Variants in CTBP2 observed in about 807,000 individuals in gnomAD.
CTBP2 encodes the protein C-terminal-binding protein 2.
Under a neutral mutation model 80.3 loss-of-function variants are expected in CTBP2, and 30 were observed. The ratio of observed to expected loss-of-function variants is 0.37; its 90% confidence interval spans 0.28 to 0.51. The LOEUF (loss-of-function observed/expected upper bound fraction) is 0.51. Ranked by LOEUF, CTBP2 falls within the 20% of genes least tolerant of loss-of-function variation. CTBP2 has a pLI of 0.93. For missense variants in CTBP2, 1,212 were observed against 1,375.3 expected, an observed-to-expected ratio of 0.88 and a Z score of 1.88; for synonymous variants, 594 against 587.4, an observed-to-expected ratio of 1.01 and a Z score of -0.16.
intron 2 of CTBP2, among the ~76,000 whole-genome samples, chr10:125,093,718 T>C (rs921871683): frequency 1.3e-5 from 2 of 152,176 alleles, no homozygotes; most frequent in African/African-American, 4.8e-5. Context: ...CCATTTCCAA[T>C]CTACTCCTCG....
intron 8 of CTBP2, among the ~76,000 whole-genome samples, chr10:124,990,042 G>GTTT (rs74920887): frequency 4.3e-5 from 6 of 138,872 alleles, no homozygotes; most frequent in Non-Finnish European, 4.7e-5. Flanking sequence ...CTGGCTAATA[G>GTTT]TTTTTTTTTT....
At chr10:125,139,592 G>A (rs1421901804) in intron 1 of CTBP2, among the ~76,000 whole-genome samples, 1 of 151,916 alleles carries the variant, frequency 6.6e-6, no homozygotes, top group African/African-American at 2.4e-5. Context: ...TTCCAGTCTA[G>A]GCCAGCTGGG....
chr10:125,001,408 C>T (rs1022403865), intron 3 of CTBP2: 1 of 152,218 alleles, frequency 6.6e-6, no homozygotes, highest in African/African-American at 2.4e-5. Context: ...GCACAAAGGA[C>T]ATTTGTTTTC....
intron 1 of CTBP2, among the ~76,000 whole-genome samples, chr10:125,014,072 G>A (rs543856587): frequency 2.7e-4 from 41 of 152,246 alleles, no homozygotes; most frequent in Non-Finnish European, 4.0e-4. Context: ...TAAAAGAGAC[G>A]TCATCATGGT....
rs772873796 is a variant in CTBP2, at chr10:124,986,188, A to G, written c.*3330T>C. 3.3e-5 allele frequency: 5 copies of G among 152,482 alleles called. No homozygotes were observed. Among genetic ancestry groups the G allele is most frequent in the Non-Finnish European group, 7.4e-5 (5 of 68,024 alleles). The allele number at this position is 152,482 out of a possible 1,614,324, so 9.4% of individuals were successfully genotyped here. On this transcript the variant is annotated 3_prime_UTR_variant, in exon 9 of 9. Coordinates refer to ENST00000309035, the MANE Select transcript of CTBP2 (RefSeq NM_022802.3). ...ATTCAATACTGGGTAAAAATTTCAG[A>G]CCTATCTCAGGAACACAGAAATATT...
At chr10:124,994,007 G>A (rs371563913) in intron 5 of CTBP2, 22 bp from the exon 8 acceptor site, 31 of 1,613,244 alleles carry the variant, frequency 1.9e-5, no homozygotes, top group Non-Finnish European at 2.2e-5. Context: ...AAGAAAAGCC[G>A]GTTACAGGCA....
intron 1 of CTBP2, among the ~76,000 whole-genome samples, chr10:125,017,230 G>A (rs187789582): frequency 1.5e-4 from 23 of 152,302 alleles, no homozygotes; most frequent in Middle Eastern, 3.4e-3. Context: ...GACGGGTAGC[G>A]GAGGAAGGTG....
Position 125,102,566 on chromosome 10 carries a change from G to C in CTBP2, c.-102+8424C>G, listed in dbSNP as rs187273254. On this transcript the variant is annotated intron_variant, in intron 2 of 10. Coordinates refer to the CTBP2 transcript ENST00000337195. ...AATCAATGTTGAGTCCTCCTTCCCA[G>C]AGGAAGCTGTCGCCCTGTGTCATGG... Among the ~76,000 whole-genome samples the C allele has an allele frequency of 1.5e-3, 233 of 152,366 alleles. 2 individuals carry two copies. Among genetic ancestry groups the C allele is most frequent in the Middle Eastern group, 0.014 (4 of 294 alleles).
At chr10:125,036,668 GGTGTGTGTGTGTGTGTGTGT>G (rs59284647) in intron 3 of CTBP2, among the ~76,000 whole-genome samples, 77 of 119,348 alleles carry the variant, frequency 6.5e-4, no homozygotes, top group African/African-American at 2.4e-3. Context: ...AGCTAGAGGG[GGTGTGTGTGTGTGTGTGTGT>G]GTGTGTGTGT....
Position 124,985,169 on chromosome 10 carries a change from G to A in CTBP2, c.*4349C>T. ...TGGAGATAATGCCTCTGCTGCGTGA[G>A]GAGACAGAGAACTTTAGTTGGACTA... On this transcript the variant is annotated 3_prime_UTR_variant, in exon 9 of 9. Coordinates refer to ENST00000309035, the MANE Select transcript of CTBP2 (RefSeq NM_022802.3). The A allele has an allele frequency of 1.9e-6, 1 of 527,870 alleles. No homozygotes were observed. Among genetic ancestry groups the A allele is most frequent in the South Asian group, 3.2e-5 (1 of 30,878 alleles). 32.7% of individuals were successfully genotyped at this position (527,870 alleles called of 1,614,324 possible). A position where few individuals can be genotyped will look rare whatever the true frequency, so the allele number is the denominator to read the frequency against.
intron 2 of CTBP2, among the ~76,000 whole-genome samples, chr10:125,046,263 G>A (rs560538083): frequency 6.6e-6 from 1 of 152,210 alleles, no homozygotes; most frequent in South Asian, 2.1e-4. Flanking sequence ...AGGGCCAGGC[G>A]TAGTGGCTCA....
chr10:125,143,409 C>G (rs760502831), intron 1 of CTBP2, among the ~76,000 whole-genome samples: 2 of 152,158 alleles, frequency 1.3e-5, no homozygotes, highest in Non-Finnish European at 2.9e-5. Context: ...ACCCGGGAGG[C>G]AGAGGTTGCA....
intron 2 of CTBP2, among the ~76,000 whole-genome samples, chr10:125,076,349 AGCACG>A (rs1846270323): frequency 6.6e-6 from 1 of 152,138 alleles, no homozygotes; most frequent in Non-Finnish European, 1.5e-5. Flanking sequence ...CCACTTTGGG[AGCACG>A]GCCATCGCCC....
At chr10:125,067,091 C>G (rs532208321) in intron 2 of CTBP2, among the ~76,000 whole-genome samples, 11 of 152,326 alleles carry the variant, frequency 7.2e-5, no homozygotes, top group Admixed American at 3.3e-4. Flanking sequence ...CAAAGGCTTA[C>G]ACTTTTTTCT....
At chr10:125,069,888 C>CT (rs1289033418) in intron 2 of CTBP2, among the ~76,000 whole-genome samples, 1 of 98,122 alleles carries the variant, frequency 1.0e-5, no homozygotes, top group African/African-American at 3.7e-5. Context: ...CTGCCCCCCT[C>CT]CCCCCCCCAC....
In CTBP2 at chr10:124,998,892, G is replaced by A. The variant is rs147483642; in HGVS notation, c.1979-722C>T. 2.4e-3 allele frequency: 375 copies of A among 154,344 alleles called. 1 individual carries two copies. The highest frequency in any genetic ancestry group is 8.5e-3 in the African/African-American group (355 of 41,596). 9.6% of individuals were successfully genotyped at this position (154,344 alleles called of 1,614,324 possible). A position where few individuals can be genotyped will look rare whatever the true frequency, so the allele number is the denominator to read the frequency against. On this transcript the variant is annotated intron_variant, in intron 3 of 8. Transcript: ENST00000309035. Reference sequence around the variant, plus strand: ...GCCCTCTGGCCCCACACGAGCTGCAGAGACCAGGGTCAAGTATCTCCCAGC... The same window carrying A: ...GCCCTCTGGCCCCACACGAGCTGCAAAGACCAGGGTCAAGTATCTCCCAGC...
intron 1 of CTBP2, among the ~76,000 whole-genome samples, chr10:125,129,557 C>T (rs983474953): frequency 6.6e-6 from 1 of 152,136 alleles, no homozygotes. Context: ...GGGCTGGGGG[C>T]ACAGTGTGTC....
rs76301741 is a variant in CTBP2 at position 125,137,044 on chromosome 10, C to T, written c.-206+23275G>A. On this transcript the variant is annotated intron_variant, in intron 1 of 10. Coordinates refer to the CTBP2 transcript ENST00000337195. ...CCGCCGAAAACGAGAAGTTTGTTTA[C>T]GACAAGGTCTCATATTCCTGCTTGT... Among the ~76,000 whole-genome samples the T allele has an allele frequency of 2.8e-4, 43 of 152,300 alleles. 1 individual carries two copies. In the East Asian group the frequency reaches 7.1e-3, roughly 25 times the overall value.
In CTBP2 at chr10:125,027,294, G is replaced by T. The variant is rs146413485; in HGVS notation, c.466C>A (p.Pro156Thr). The change falls in exon 1 of 9, where the codon CCT (proline) becomes ACT (threonine). Residue 156 changes from proline (P) to threonine (T), a missense_variant. Around this residue, in one of 3 missense-constraint regions of CTBP2, gnomAD observed 848 missense variants for 782.3 expected, o/e 1.08. Transcript: ENST00000309035. ...AGGTGACCGGCGTCCTGCAGGGCAG[G>T]TGACCGGCCTTGCATTGGATCCCAT... 1 of 1,613,708 alleles carries T rather than the reference G, an allele frequency of 6.2e-7. No homozygotes were observed. Among genetic ancestry groups the T allele is most frequent in the Non-Finnish European group, 8.5e-7 (1 of 1,180,010 alleles).
Sources: allele counts gnomAD v4.1 joint callset (sites outside exome capture counted in the v4.1 genomes callset), GRCh38; gene constraint gnomAD v4.1.1; regional missense constraint gnomAD v4.1.1; transcripts MANE v1.5; gene names NCBI Gene and HGNC (gene_info 2026-07-23, HGNC 2026-07-21).